FTCDNL1: variants seen among roughly 807,000 people sequenced by gnomAD.
FTCDNL1 encodes the protein formiminotransferase N-terminal subdomain-containing protein.
Under a neutral mutation model 5.9 loss-of-function variants are expected in FTCDNL1, and 11 were observed. That is an observed-to-expected ratio of 1.87 (90% CI 1.18 to 3.10). The LOEUF (loss-of-function observed/expected upper bound fraction) is 3.10. Among genes scored for constraint, FTCDNL1 ranks in the 30% most tolerant of loss-of-function variants. FTCDNL1 has a pLI of 0.00. For synonymous variants in FTCDNL1, 58 were observed against 24.8 expected (o/e 2.34, Z -3.99); for missense variants, 115 against 65.5 (o/e 1.76, Z -2.61).
At chr2:199,788,650 T>C (rs1699774605) in intron 3 of FTCDNL1, among the ~76,000 whole-genome samples, 1 of 151,682 alleles carries the variant, frequency 6.6e-6, no homozygotes, top group African/African-American at 2.4e-5. Context: ...AAACACAAAA[T>C]AAACTTAAAG....
At chr2:199,742,489 CA>C in the FTCDNL1 span, among the ~76,000 whole-genome samples, 1 of 152,182 alleles carries the variant, frequency 6.6e-6, no homozygotes, top group Non-Finnish European at 1.5e-5. Context: ...CTTCTTTATT[CA>C]AAGTAGTCCT....
At chr2:199,698,773 GA>G in the FTCDNL1 span, among the ~76,000 whole-genome samples, 3 of 152,002 alleles carry the variant, frequency 2.0e-5, no homozygotes, top group Non-Finnish European at 4.4e-5. Context: ...ACCAAAATGA[GA>G]GCTGAACTGA....
the FTCDNL1 span, among the ~76,000 whole-genome samples, chr2:199,667,778 G>A: frequency 1.3e-5 from 2 of 152,144 alleles, no homozygotes; most frequent in African/African-American, 2.4e-5. Context: ...GTTCTGTCAT[G>A]AAATATGATT....
At chr2:199,676,844 A>G in the FTCDNL1 span, among the ~76,000 whole-genome samples, 1 of 152,216 alleles carries the variant, frequency 6.6e-6, no homozygotes, top group Non-Finnish European at 1.5e-5. Flanking sequence ...GAAAAGAAAT[A>G]ATGATTGTTG....
chr2:199,777,464 G>A (rs1699149755), intron 3 of FTCDNL1, among the ~76,000 whole-genome samples: 1 of 152,128 alleles, frequency 6.6e-6, no homozygotes, highest in African/African-American at 2.4e-5. Flanking sequence ...TTTTCTCTAA[G>A]GGAAGTCAGT....
In FTCDNL1 at chr2:199,785,249, C is replaced by CTTT. The variant is rs61047289; in HGVS notation, c.212-24417_212-24415dup. Among the ~76,000 whole-genome samples the CTTT allele has an allele frequency of 1.3e-4, 10 of 76,864 alleles. 2 individuals are homozygous for CTTT. Among genetic ancestry groups the CTTT allele is most frequent in the African/African-American group, 2.8e-4 (5 of 17,640 alleles). The allele number at this position is 76,864 out of a possible 152,430, so 50.4% of individuals were successfully genotyped here. A position where few individuals can be genotyped will look rare whatever the true frequency, so the allele number is the denominator to read the frequency against. ...AGGGTCTCTAAACTCTTCCAAATTC[C>CTTT]TTTTTTTTTTTTTTTTGAGACAGAA... On this transcript the variant is annotated intron_variant, in intron 3 of 3. Coordinates refer to the FTCDNL1 transcript ENST00000416668.
intron 3 of FTCDNL1, among the ~76,000 whole-genome samples, chr2:199,794,020 C>A (rs1700059585): frequency 6.6e-6 from 1 of 152,154 alleles, no homozygotes; most frequent in Non-Finnish European, 1.5e-5. Context: ...TGTTGATGTT[C>A]AAATGAGTCA....
chr2:199,849,755 A>T (rs1432650189), intron 1 of FTCDNL1, among the ~76,000 whole-genome samples: 3 of 152,234 alleles, frequency 2.0e-5, no homozygotes, highest in Non-Finnish European at 4.4e-5. Flanking sequence ...GATCTAAAGG[A>T]ATTAAAACAT....
At chr2:199,724,707 A>C in the FTCDNL1 span, among the ~76,000 whole-genome samples, 2 of 151,970 alleles carry the variant, frequency 1.3e-5, no homozygotes, top group Non-Finnish European at 2.9e-5. Flanking sequence ...GTGAGTTTTT[A>C]AATCTTGAGT....
At chr2:199,784,335 A>G (rs1430763739) in intron 3 of FTCDNL1, among the ~76,000 whole-genome samples, 1 of 152,146 alleles carries the variant, frequency 6.6e-6, no homozygotes, top group African/African-American at 2.4e-5. Context: ...ATTCCTCCTC[A>G]GCACCAGGTA....
intron 3 of FTCDNL1, among the ~76,000 whole-genome samples, chr2:199,790,482 A>G (rs1410731582): frequency 5.3e-5 from 8 of 149,660 alleles, no homozygotes; most frequent in African/African-American, 2.0e-4. Context: ...GGGGTGACAG[A>G]GCGAGACTCT....
intron 3 of FTCDNL1, among the ~76,000 whole-genome samples, chr2:199,772,142 T>C (rs1488947617): frequency 2.0e-5 from 3 of 152,178 alleles, no homozygotes. Flanking sequence ...AAGTGACTAA[T>C]GAGCATGTGG....
the FTCDNL1 span, among the ~76,000 whole-genome samples, chr2:199,716,033 TAAAAAAAAAAAAAAA>T: frequency 0.017 from 1,856 of 108,984 alleles, 77 homozygotes; most frequent in East Asian, 0.2. Context: ...TGCCTCTAGT[TAAAAAAAAAAAAAAA>T]AAAAAAAAAA....
downstream of FTCDNL1, among the ~76,000 whole-genome samples, chr2:199,806,075 T>C (rs1348151276): frequency 1.3e-5 from 2 of 152,106 alleles, no homozygotes; most frequent in African/African-American, 2.4e-5. Flanking sequence ...ATACTGCAAA[T>C]AGGAACAAAA....
the FTCDNL1 span, among the ~76,000 whole-genome samples, chr2:199,723,865 C>T: frequency 1.3e-5 from 2 of 152,028 alleles, no homozygotes; most frequent in Non-Finnish European, 2.9e-5. Flanking sequence ...TTTATCTCTG[C>T]CAGGTTTTGG....
chr2:199,716,250 T>C, the FTCDNL1 span, among the ~76,000 whole-genome samples: 2 of 152,152 alleles, frequency 1.3e-5, no homozygotes, highest in African/African-American at 4.8e-5. Flanking sequence ...AATGATAATC[T>C]AGAAACTGCT....
chr2:199,793,145 T>A (rs573931249), intron 3 of FTCDNL1, among the ~76,000 whole-genome samples: 2 of 152,254 alleles, frequency 1.3e-5, no homozygotes, highest in African/African-American at 4.8e-5. Flanking sequence ...CTTATACATA[T>A]GGAATTAACA....
chr2:199,848,402 G>A (rs1352000064), intron 2 of FTCDNL1, among the ~76,000 whole-genome samples: 1 of 152,224 alleles, frequency 6.6e-6, no homozygotes, highest in African/African-American at 2.4e-5. Context: ...TTGCTGGCAG[G>A]AGTGCTGGGA....
chr2:199,850,218 TTAA>T (rs1359769157), intron 1 of FTCDNL1, among the ~76,000 whole-genome samples: 1 of 152,320 alleles, frequency 6.6e-6, no homozygotes, highest in African/African-American at 2.4e-5. Context: ...TTTCTAGATA[TTAA>T]TAACATTGTT....
Sources: gnomAD v4.1 joint callset for allele counts (sites outside exome capture counted in the v4.1 genomes callset) on GRCh38, gnomAD v4.1.1 for gene constraint, MANE v1.5 for transcripts, NCBI Gene and HGNC (gene_info 2026-07-23, HGNC 2026-07-21) for gene names.